The following CCDC192 variants were observed in gnomAD, a reference collection of about 807,000 sequenced individuals.
CCDC192 encodes coiled-coil domain-containing protein 192.
chr5:127,919,435 A>ACTC (rs3081385), intron 6 of CCDC192, among the ~76,000 whole-genome samples: 49,238 of 151,746 alleles, frequency 0.32, 10,623 homozygotes, highest in African/African-American at 0.62. Context: ...ACGAAAAAAA[A>ACTC]CTTCCAGAAC....
intron 6 of CCDC192, among the ~76,000 whole-genome samples, chr5:127,929,387 A>G (rs1753955939): frequency 6.6e-6 from 1 of 152,140 alleles, no homozygotes; most frequent in African/African-American, 2.4e-5. Flanking sequence ...TGTCATCCCA[A>G]GGCTGATCAA....
intron 3 of CCDC192, among the ~76,000 whole-genome samples, chr5:127,760,452 T>G (rs1754849716): frequency 6.6e-6 from 1 of 151,982 alleles, no homozygotes; most frequent in South Asian, 2.1e-4. Flanking sequence ...CATCTGGTAC[T>G]GAAGCGAGAT....
intron 5 of CCDC192, among the ~76,000 whole-genome samples, chr5:127,798,699 A>G (rs1198831648): frequency 6.6e-6 from 1 of 151,198 alleles, no homozygotes; most frequent in Non-Finnish European, 1.5e-5. Context: ...AAGTGACATT[A>G]TTTTTTATAC....
chr5:127,788,373 C>T (rs1281055962), intron 3 of CCDC192, among the ~76,000 whole-genome samples: 1 of 152,068 alleles, frequency 6.6e-6, no homozygotes, highest in Non-Finnish European at 1.5e-5. Context: ...CATGCAACAT[C>T]TTTTTTCATT....
intron 3 of CCDC192, among the ~76,000 whole-genome samples, chr5:127,760,518 A>G (rs1483927717): frequency 6.6e-6 from 1 of 151,880 alleles, no homozygotes; most frequent in African/African-American, 2.4e-5. Context: ...CTTTAGTACC[A>G]GATGCTAACC....
At chr5:127,798,863 C>T (rs1034287259) in intron 5 of CCDC192, among the ~76,000 whole-genome samples, 1 of 152,014 alleles carries the variant, frequency 6.6e-6, no homozygotes, top group Non-Finnish European at 1.5e-5. Flanking sequence ...CCATGAATTT[C>T]TATGGCAAAT....
chr5:127,856,229 C>G (rs1751087589), intron 5 of CCDC192, among the ~76,000 whole-genome samples: 1 of 152,336 alleles, frequency 6.6e-6, no homozygotes, highest in Non-Finnish European at 1.5e-5. Context: ...GCTGCTTCAC[C>G]TTACACTTTC....
At chr5:127,735,370 C>T (rs1752912869) in intron 2 of CCDC192, among the ~76,000 whole-genome samples, 1 of 148,378 alleles carries the variant, frequency 6.7e-6, no homozygotes, top group South Asian at 2.1e-4. Flanking sequence ...GTGATGCCTC[C>T]AGCTTTGTTC....
intron 5 of CCDC192, among the ~76,000 whole-genome samples, chr5:127,865,354 C>T (rs1751564190): frequency 6.6e-6 from 1 of 151,900 alleles, no homozygotes; most frequent in Non-Finnish European, 1.5e-5. Context: ...AAGTTCAGAC[C>T]ATTTCCCCAG....
intron 6 of CCDC192, among the ~76,000 whole-genome samples, chr5:127,880,944 C>T (rs1349529211): frequency 6.6e-6 from 1 of 152,192 alleles, no homozygotes; most frequent in Non-Finnish European, 1.5e-5. Context: ...TGCACCACTG[C>T]ACTCCAGCCT....
chr5:127,927,415 A>C (rs1753891260), intron 6 of CCDC192, among the ~76,000 whole-genome samples: 1 of 152,188 alleles, frequency 6.6e-6, no homozygotes. Context: ...GGTTGCAGGC[A>C]TCCACGGGGG....
chr5:127,751,487 A>G (rs532894222), intron 2 of CCDC192, among the ~76,000 whole-genome samples: 1,617 of 152,214 alleles, frequency 0.011, 27 homozygotes, highest in African/African-American at 0.036. Context: ...GAGATCCGCT[A>G]TTAGTCTGAT....
Position 127,941,263 on chromosome 5 carries a change from T to C in CCDC192, c.617T>C (p.Leu206Pro). 2.5e-6 allele frequency: 1 copy of C among 399,068 alleles called. No homozygotes were observed. The allele number at this position is 399,068 out of a possible 1,614,324, so 24.7% of individuals were successfully genotyped here. ...AGAAAAATTAGCCTGATAATGGAAC[T>C]GTCAACCCAGGTTTCCCTTCAGACT... ...GDRKISLIMELSTQVSLQTER... is the reference protein window; with the variant it reads ...GDRKISLIMEPSTQVSLQTER... Residue 206 changes from leucine to proline, a missense_variant, in exon 7 of 7, where the codon CTG becomes CCG. Coordinates refer to ENST00000514853, the MANE Select transcript of CCDC192 (RefSeq NM_001317938.2).
chr5:127,749,899 G>A (rs556400746), intron 2 of CCDC192, among the ~76,000 whole-genome samples: 291 of 152,152 alleles, frequency 1.9e-3, no homozygotes, highest in African/African-American at 5.9e-3. Flanking sequence ...GTTTATTTGC[G>A]TAGAGGTGTT....
intron 5 of CCDC192, chr5:127,838,343 T>A (rs1205659568): frequency 1.3e-5 from 2 of 152,218 alleles, no homozygotes; most frequent in African/African-American, 4.8e-5. Flanking sequence ...ATTGTTCAAC[T>A]GAAAATGGAA....
intron 5 of CCDC192, among the ~76,000 whole-genome samples, chr5:127,824,091 C>A (rs1749416537): frequency 6.6e-6 from 1 of 152,114 alleles, no homozygotes; most frequent in South Asian, 2.1e-4. Context: ...ATTACTACTG[C>A]TTGCCCTTAG....
rs192552884 is a variant in CCDC192 at position 127,738,750 on chromosome 5, C to T, written c.115-15518C>T. On this transcript the variant is annotated intron_variant, in intron 2 of 6. Coordinates refer to ENST00000514853, the MANE Select transcript of CCDC192 (RefSeq NM_001317938.2). The stretch of plus-strand genomic sequence containing the variant: ...GCTCCTGAGGCTTCTGCATTCGTCA[C>T]GTAGTTCTCGAGCCTTGGTTTTCAG... Among the ~76,000 whole-genome samples the T allele has an allele frequency of 3.2e-3, 482 of 152,332 alleles. 3 individuals carry two copies. The highest frequency in any genetic ancestry group is 0.01 in the African/African-American group (422 of 41,572).
chr5:127,869,838 A>G (rs1319622888), intron 5 of CCDC192, among the ~76,000 whole-genome samples: 1 of 152,188 alleles, frequency 6.6e-6, no homozygotes, highest in African/African-American at 2.4e-5. Context: ...ATATTTCTAT[A>G]GCATTTTGCA....
chr5:127,817,072 A>G (rs1176043148), intron 5 of CCDC192, among the ~76,000 whole-genome samples: 2 of 152,246 alleles, frequency 1.3e-5, no homozygotes, highest in African/African-American at 2.4e-5. Context: ...CTTATGAATC[A>G]TAATTGATTG....
Sources: allele counts gnomAD v4.1 joint callset (sites outside exome capture counted in the v4.1 genomes callset), GRCh38; gene constraint gnomAD v4.1.1; transcripts MANE v1.5; gene names NCBI Gene and HGNC (gene_info 2026-07-23, HGNC 2026-07-21).